The following SHANK2 variants were observed in gnomAD, a reference collection of about 807,000 sequenced individuals.
The protein encoded by SHANK2 is SH3 and multiple ankyrin repeat domains protein 2.
A neutral mutation model predicts 133.7 loss-of-function variants in SHANK2; 43 were observed. The observed-to-expected ratio is 0.32, with a 90% confidence interval of 0.25 to 0.41. The LOEUF is 0.41. SHANK2 is among the 10% of genes least tolerant of loss of function. SHANK2 has a pLI of 1.00. For missense variants in SHANK2, 1,994 were observed against 2,235.8 expected, an observed-to-expected ratio of 0.89 and a Z score of 2.18; for synonymous variants, 1,017 against 952.8, an observed-to-expected ratio of 1.07 and a Z score of -1.24.
At chr11:71,200,561 C>G (rs1171670550) in intron 2 of SHANK2, among the ~76,000 whole-genome samples, 2 of 152,114 alleles carry the variant, frequency 1.3e-5, no homozygotes, top group African/African-American at 4.8e-5. Flanking sequence ...TGACTTCACT[C>G]TACATTTGAC....
At chr11:70,555,140 A>G (rs2059814090) in intron 17 of SHANK2, among the ~76,000 whole-genome samples, 1 of 151,994 alleles carries the variant, frequency 6.6e-6, no homozygotes. Context: ...GGTGAATTTA[A>G]TCGATAAATA....
At chr11:70,894,285 T>G (rs535199999) in intron 11 of SHANK2, among the ~76,000 whole-genome samples, 3 of 152,248 alleles carry the variant, frequency 2.0e-5, no homozygotes, top group Non-Finnish European at 4.4e-5. Context: ...CCTCCCGGGT[T>G]CAAGCGATTC....
intron 12 of SHANK2, among the ~76,000 whole-genome samples, chr11:70,814,355 G>C (rs1008415876): frequency 6.7e-6 from 1 of 150,326 alleles, no homozygotes; most frequent in Non-Finnish European, 1.5e-5. Context: ...CAGGGCCACC[G>C]GGAGAGCTCC....
chr11:70,917,105 C>T, intron 10 of SHANK2, among the ~76,000 whole-genome samples: 1 of 152,250 alleles, frequency 6.6e-6, no homozygotes, highest in East Asian at 1.9e-4. Context: ...CAGGTCTTGG[C>T]CCCGATGTCA....
chr11:71,244,282 G>A (rs1418265770), intron 1 of SHANK2, among the ~76,000 whole-genome samples: 19 of 152,328 alleles, frequency 1.2e-4, no homozygotes, highest in Middle Eastern at 6.8e-3. Flanking sequence ...CCCTGGGGTC[G>A]GAACCAGCTG....
chr11:70,719,189 C>T (rs1197098983), intron 14 of SHANK2, among the ~76,000 whole-genome samples: 1 of 152,218 alleles, frequency 6.6e-6, no homozygotes, highest in African/African-American at 2.4e-5. Flanking sequence ...CTTTGATTCC[C>T]GTTAGCCCAC....
intron 3 of SHANK2, among the ~76,000 whole-genome samples, chr11:71,139,843 C>T (rs146303509): frequency 6.6e-6 from 1 of 152,234 alleles, no homozygotes; most frequent in African/African-American, 2.4e-5. Flanking sequence ...GAGGCTCTCA[C>T]TCAATGACTT....
chr11:70,724,408 G>T (rs1173114020), intron 14 of SHANK2, among the ~76,000 whole-genome samples: 2 of 152,108 alleles, frequency 1.3e-5, no homozygotes, highest in Non-Finnish European at 2.9e-5. Flanking sequence ...TGGTGGTGGG[G>T]TGTGTGTGTA....
intron 21 of SHANK2, among the ~76,000 whole-genome samples, chr11:70,497,318 G>T (rs2058985504): frequency 6.6e-6 from 1 of 152,158 alleles, no homozygotes; most frequent in Non-Finnish European, 1.5e-5. Flanking sequence ...GGCTCCTAAG[G>T]ATTATGCTTA....
At chr11:70,606,639 T>G (rs2060582422) in intron 17 of SHANK2, among the ~76,000 whole-genome samples, 1 of 148,074 alleles carries the variant, frequency 6.8e-6, no homozygotes, top group African/African-American at 2.5e-5. Context: ...CCCCTCAGAC[T>G]CCCCTCCTGG....
intron 10 of SHANK2, among the ~76,000 whole-genome samples, chr11:70,913,867 T>C (rs1035088180): frequency 1.4e-4 from 22 of 152,178 alleles, no homozygotes; most frequent in African/African-American, 5.3e-4. Context: ...TCATTTCCAT[T>C]TGGAAAACAA....
chr11:70,696,335 C>A (rs1945391660), intron 15 of SHANK2, among the ~76,000 whole-genome samples: 1 of 152,214 alleles, frequency 6.6e-6, no homozygotes, highest in Non-Finnish European at 1.5e-5. Flanking sequence ...AGATGTCTCT[C>A]TTCCCAGGCA....
intron 1 of SHANK2, among the ~76,000 whole-genome samples, chr11:71,226,321 G>C (rs1470436994): frequency 6.6e-6 from 1 of 151,986 alleles, no homozygotes; most frequent in African/African-American, 2.4e-5. Context: ...GGGAGTTATG[G>C]GACAATAATA....
intron 14 of SHANK2, among the ~76,000 whole-genome samples, chr11:70,708,479 G>A (rs1945712467): frequency 6.6e-6 from 1 of 152,130 alleles, no homozygotes; most frequent in East Asian, 1.9e-4. Context: ...CCCCCACCAC[G>A]AGAGCCACAT....
chr11:70,818,315 A>C (rs1380324777), intron 12 of SHANK2, among the ~76,000 whole-genome samples: 1 of 152,058 alleles, frequency 6.6e-6, no homozygotes, highest in Non-Finnish European at 1.5e-5. Flanking sequence ...ATACACAAAC[A>C]CATACACACA....
intron 2 of SHANK2, among the ~76,000 whole-genome samples, chr11:71,205,742 T>C (rs1016992535): frequency 1.3e-5 from 2 of 152,136 alleles, no homozygotes; most frequent in Non-Finnish European, 2.9e-5. Flanking sequence ...CATCTGGGCA[T>C]GTTGGGTCAG....
intron 10 of SHANK2, among the ~76,000 whole-genome samples, chr11:70,927,377 C>T (rs1555081768): frequency 6.6e-6 from 1 of 152,124 alleles, no homozygotes; most frequent in African/African-American, 2.4e-5. Context: ...GGTCATTTCA[C>T]TGCCTGGTGT....
At chr11:71,224,151 T>A (rs1954602657) in intron 2 of SHANK2, among the ~76,000 whole-genome samples, 1 of 152,202 alleles carries the variant, frequency 6.6e-6, no homozygotes, top group African/African-American at 2.4e-5. Context: ...CTGGTGGTAG[T>A]CAGCGTCAAC....
chr11:70,935,458 G>T (rs12277288), intron 10 of SHANK2, among the ~76,000 whole-genome samples: 43,078 of 151,896 alleles, frequency 0.28, 7,235 homozygotes, highest in African/African-American at 0.47. Flanking sequence ...GTGAAAGGGA[G>T]AGTGACAGCC....
Sources: gnomAD v4.1 joint callset for allele counts (sites outside exome capture counted in the v4.1 genomes callset) on GRCh38, gnomAD v4.1.1 for gene constraint, MANE v1.5 for transcripts, NCBI Gene and HGNC (gene_info 2026-07-23, HGNC 2026-07-21) for gene names.